ZNF618: variants seen among roughly 807,000 people sequenced by gnomAD.
The protein encoded by ZNF618 is neural precursor cell expressed, developmentally down-regulated 10.
ZNF618 carries 34 observed loss-of-function variants against 103.0 expected under a neutral mutation model. The ratio of observed to expected loss-of-function variants is 0.33; its 90% CI spans 0.25 to 0.44. The LOEUF (loss-of-function observed/expected upper bound fraction) is 0.44, where lower values mean the gene tolerates loss of function less well. ZNF618 is among the 20% of genes least tolerant of loss of function. ZNF618 has a pLI of 1.00. For missense variants in ZNF618, 1,059 were observed against 1,295.4 expected, an observed-to-expected ratio of 0.82 and a Z score of 2.80; for synonymous variants, 551 against 542.2, an observed-to-expected ratio of 1.02 and a Z score of -0.23.
chr9:113,928,253 GTT>G (rs1833271839), intron 1 of ZNF618, among the ~76,000 whole-genome samples: 1 of 152,070 alleles, frequency 6.6e-6, no homozygotes, highest in African/African-American at 2.4e-5. Context: ...GATTTCTTGT[GTT>G]TTCGTTTCAT....
At chr9:113,953,159 A>G (rs2132376626) in intron 1 of ZNF618, among the ~76,000 whole-genome samples, 1 of 152,356 alleles carries the variant, frequency 6.6e-6, no homozygotes, top group South Asian at 2.1e-4. Context: ...CAGTACGTGA[A>G]CGTACTTCGA....
chr9:114,049,957 T>C lies in ZNF618; in HGVS notation c.2655T>C (p.Ala885=). The change falls in exon 15 of 15, where the codon GCT becomes GCC. Residue 885 remains alanine, a synonymous_variant. Transcript: ENST00000374126. ...YDYLQEPLFQ[A]TPDLFQYWSC... ...ACCTGCAGGAGCCCCTCTTCCAGGC[T>C]ACCCCTGATCTCTTCCAGTACTGGT... 1 of 1,613,968 alleles carries C rather than the reference T, an allele frequency of 6.2e-7. No individual in the cohort carries two copies. Among genetic ancestry groups the C allele is most frequent in the Admixed American group, 1.7e-5 (1 of 60,030 alleles).
rs181623193 is a variant in ZNF618 at position 114,044,467 on chromosome 9, G to A, written c.1247-3426G>A. ...AGCCTTGTAGTATAGTTCGAAGTCC[G>A]GTAATGTGTTGCCCCCAGATTTGTT... On this transcript the variant is annotated intron_variant, in intron 13 of 14. Transcript: ENST00000374126. 4.3e-4 allele frequency among the ~76,000 whole-genome samples: 65 copies of A among 152,238 alleles called. 1 individual carries two copies. The East Asian group carries it at 0.012, about 28-fold the overall frequency.
chr9:113,957,655 T>G (rs988460310), intron 1 of ZNF618, among the ~76,000 whole-genome samples: 6 of 152,130 alleles, frequency 3.9e-5, no homozygotes, highest in African/African-American at 9.7e-5. Context: ...TAGAAGAGAT[T>G]TGAGGACAGC....
At chr9:114,021,347 CA>C (rs1843052345) in intron 10 of ZNF618, among the ~76,000 whole-genome samples, 1 of 151,954 alleles carries the variant, frequency 6.6e-6, no homozygotes, top group Admixed American at 6.6e-5. Flanking sequence ...CTTAACGATC[CA>C]AGGTTAGTTT....
chr9:113,977,045 C>T (rs1323168017), intron 2 of ZNF618, among the ~76,000 whole-genome samples: 2 of 152,164 alleles, frequency 1.3e-5, no homozygotes, highest in African/African-American at 4.8e-5. Flanking sequence ...TGCGTCCAGG[C>T]AGTGAGCAAA....
intron 1 of ZNF618, among the ~76,000 whole-genome samples, chr9:113,899,157 C>T (rs1428589230): frequency 6.6e-6 from 1 of 150,894 alleles, no homozygotes; most frequent in Non-Finnish European, 1.5e-5. Flanking sequence ...TTGTAAAGTA[C>T]ACATATTAAA....
chr9:114,051,646 C>G lies in ZNF618; in HGVS notation c.*1479C>G, dbSNP rs1445508490. The G allele has an allele frequency of 2.6e-5, 4 of 152,364 alleles. No homozygotes were observed. The East Asian group carries it at 7.7e-4, about 29-fold the overall frequency. 9.4% of individuals were successfully genotyped at this position (152,364 alleles called of 1,614,324 possible). ...GGGTCCTCACTCACACCTCCGACTT[C>G]CAGGACGGCAGTGAGCATGGTGCCT... On this transcript the variant is annotated 3_prime_UTR_variant, in exon 15 of 15. Coordinates refer to ENST00000374126, the MANE Select transcript of ZNF618 (RefSeq NM_001318042.2).
chr9:113,929,961 T>C (rs1833425399), intron 1 of ZNF618, among the ~76,000 whole-genome samples: 1 of 152,240 alleles, frequency 6.6e-6, no homozygotes, highest in Non-Finnish European at 1.5e-5. Context: ...CTTGTTTATC[T>C]TGGCTTTTTC....
intron 1 of ZNF618, among the ~76,000 whole-genome samples, chr9:113,920,194 G>A (rs1263343795): frequency 3.3e-5 from 5 of 152,146 alleles, no homozygotes; most frequent in Non-Finnish European, 1.5e-5. Context: ...TTGCCATGGC[G>A]ATGCAGAAGT....
chr9:114,053,470 G>A lies in ZNF618; in HGVS notation c.*3303G>A, dbSNP rs999506182. ...CTGATGTGGAGACTACTCACCTTGA[G>A]CCATGTGGTCCCCAGGACAGAAATG... On this transcript the variant is annotated 3_prime_UTR_variant, in exon 15 of 15. Coordinates refer to ENST00000374126, the MANE Select transcript of ZNF618 (RefSeq NM_001318042.2). The A allele has an allele frequency of 5.3e-5, 8 of 152,270 alleles. No individual in the cohort carries two copies. The highest frequency in any genetic ancestry group is 1.9e-4 in the African/African-American group (8 of 41,462). The allele number at this position is 152,270 out of a possible 1,614,324, so 9.4% of individuals were successfully genotyped here. A position where few individuals can be genotyped will look rare whatever the true frequency, so the allele number is the denominator to read the frequency against.
rs116752236 is a variant in ZNF618 at position 113,967,277 on chromosome 9, A to G, written c.34-1840A>G. On this transcript the variant is annotated intron_variant, in intron 1 of 14. Transcript: ENST00000374126. ...AATTCAGCCTGTTTGCTTTGCATAC[A>G]AGTTTTGAGGAATGCAAGATGTTGG... 3.7e-3 allele frequency among the ~76,000 whole-genome samples: 565 copies of G among 152,338 alleles called. 2 individuals are homozygous for G. Among genetic ancestry groups the G allele is most frequent in the African/African-American group, 0.013 (544 of 41,574 alleles).
At chr9:113,909,994 A>G (rs1831370928) in intron 1 of ZNF618, among the ~76,000 whole-genome samples, 1 of 152,096 alleles carries the variant, frequency 6.6e-6, no homozygotes, top group Admixed American at 6.6e-5. Context: ...CATGTTGGTC[A>G]GGCTGGTCTC....
chr9:113,881,884 C>T (rs1310758534), intron 1 of ZNF618, among the ~76,000 whole-genome samples: 3 of 152,202 alleles, frequency 2.0e-5, no homozygotes, highest in Non-Finnish European at 4.4e-5. Context: ...GGCCACTGTG[C>T]TGTAGTTAAA....
chr9:114,044,516 C>T (rs1437088084), intron 13 of ZNF618, among the ~76,000 whole-genome samples: 2 of 152,034 alleles, frequency 1.3e-5, no homozygotes, highest in East Asian at 1.9e-4. Flanking sequence ...TTTGCTTTGG[C>T]TATGCAAGCT....
intron 1 of ZNF618, among the ~76,000 whole-genome samples, chr9:113,941,531 T>A (rs1272421300): frequency 1.3e-5 from 2 of 152,316 alleles, no homozygotes; most frequent in African/African-American, 4.8e-5. Context: ...AAGAGGCCAT[T>A]ATTTTTTTCT....
intron 2 of ZNF618, among the ~76,000 whole-genome samples, chr9:113,976,050 C>T (rs1243639633): frequency 6.6e-6 from 1 of 152,176 alleles, no homozygotes; most frequent in African/African-American, 2.4e-5. Context: ...TACCATTTAC[C>T]ATTCAACCTA....
chr9:114,048,645 T>C lies in ZNF618; in HGVS notation c.1349-6T>C. 6.2e-7 allele frequency: 1 copy of C among 1,604,856 alleles called. No individual in the cohort carries two copies. The highest frequency in any genetic ancestry group is 8.5e-7 in the Non-Finnish European group (1 of 1,173,834). On this transcript the variant is annotated splice_polypyrimidine_tract_variant and splice_region_variant and intron_variant, in intron 14 of 14. Coordinates refer to ENST00000374126, the MANE Select transcript of ZNF618 (RefSeq NM_001318042.2). ...TAATCCCATCTGTCTTTGTGTCCTC[T>C]GCCAGCCACTACCAGTGGTTTAACA...
At chr9:113,886,616 C>G (rs1829092936) in intron 1 of ZNF618, among the ~76,000 whole-genome samples, 1 of 152,016 alleles carries the variant, frequency 6.6e-6, no homozygotes, top group Non-Finnish European at 1.5e-5. Flanking sequence ...AAAACTGAAA[C>G]TAGTCTGAAA....
Sources: allele counts gnomAD v4.1 joint callset (sites outside exome capture counted in the v4.1 genomes callset), GRCh38; gene constraint gnomAD v4.1.1; transcripts MANE v1.5; gene names NCBI Gene and HGNC (gene_info 2026-07-23, HGNC 2026-07-21).